PPIL6: variants seen among roughly 807,000 people sequenced by gnomAD.
PPIL6 encodes the protein probable inactive peptidyl-prolyl cis-trans isomerase-like 6.
A neutral mutation model predicts 36.8 loss-of-function variants in PPIL6; 39 were observed. The observed-to-expected ratio is 1.06, with a 90% CI of 0.82 to 1.38. The LOEUF (loss-of-function observed/expected upper bound fraction) is 1.38. Ranked by LOEUF, PPIL6 falls within the 40% of genes most tolerant of loss-of-function variation. The probability of loss-of-function intolerance (pLI) is 0.00; values close to 1 mark genes in which losing one functional copy is unlikely to be tolerated. For missense variants in PPIL6, 368 were observed against 379.1 expected, an observed-to-expected ratio of 0.97 and a Z score of 0.24; for synonymous variants, 123 against 134.1, an observed-to-expected ratio of 0.92 and a Z score of 0.57.
At chr6:109,438,157 TCAAA>T (rs1349541873) in intron 1 of PPIL6, among the ~76,000 whole-genome samples, 2 of 152,140 alleles carry the variant, frequency 1.3e-5, no homozygotes, top group Non-Finnish European at 2.9e-5. Flanking sequence ...ATCCATCATC[TCAAA>T]CATTTATTAT....
At chr6:109,419,847 G>C (rs1329537915) in intron 5 of PPIL6, among the ~76,000 whole-genome samples, 3 of 151,880 alleles carry the variant, frequency 2.0e-5, no homozygotes, top group African/African-American at 7.3e-5. Flanking sequence ...TATTTTATAA[G>C]CACTTTTACA....
rs140919718 is a variant in PPIL6, at chr6:109,431,292, A to G, written c.285T>C (p.Asn95=). ...CCAATGCATCACCCAGAAACTGACC[A>G]TTAACAAAAGAAATCACAGAGGAAG... ...EYSSSVISFV[N]GQFLGDALDL... is the part of the protein sequence containing the mutation. Residue 95 remains asparagine, a synonymous_variant, in exon 3 of 8, where the codon AAT becomes AAC. Transcript: ENST00000521072. 1.6e-5 allele frequency: 26 copies of G among 1,612,326 alleles called. No individual in the cohort carries two copies. The Admixed American group carries it at 2.2e-4, about 13-fold the overall frequency.
intron 5 of PPIL6, among the ~76,000 whole-genome samples, chr6:109,420,894 T>C (rs1773508900): frequency 6.6e-6 from 1 of 152,212 alleles, no homozygotes; most frequent in Non-Finnish European, 1.5e-5. Flanking sequence ...GCTCAGAAGT[T>C]AATTGACAAG....
intron 6 of PPIL6, among the ~76,000 whole-genome samples, chr6:109,408,442 C>A (rs1772886277): frequency 6.6e-6 from 1 of 151,954 alleles, no homozygotes; most frequent in Non-Finnish European, 1.5e-5. Context: ...TTTTTAGATA[C>A]TTTTATTTGA....
intron 6 of PPIL6, among the ~76,000 whole-genome samples, chr6:109,415,680 A>C (rs1179787781): frequency 2.0e-5 from 3 of 152,198 alleles, no homozygotes; most frequent in African/African-American, 7.2e-5. Flanking sequence ...TAACGACAAT[A>C]GCATCTTGAA....
chr6:109,419,313 A>G, intron 5 of PPIL6, 70 bp from the exon 6 acceptor site: 1 of 1,094,106 alleles, frequency 9.1e-7, no homozygotes, highest in Non-Finnish European at 1.4e-6. Flanking sequence ...AATGACAGGG[A>G]AAAAATTTTG....
chr6:109,406,375 C>T (rs555789206), intron 6 of PPIL6, among the ~76,000 whole-genome samples: 1 of 152,186 alleles, frequency 6.6e-6, no homozygotes, highest in East Asian at 1.9e-4. Flanking sequence ...TTTTTAGGAA[C>T]ACATATGTCG....
chr6:109,397,446 C>A (rs1017040703), intron 7 of PPIL6, among the ~76,000 whole-genome samples: 12 of 152,122 alleles, frequency 7.9e-5, no homozygotes, highest in African/African-American at 2.9e-4. Context: ...TTTGCATGGC[C>A]CATGTCTCAC....
chr6:109,410,391 T>C (rs965615184), intron 6 of PPIL6, among the ~76,000 whole-genome samples: 2 of 152,098 alleles, frequency 1.3e-5, no homozygotes, highest in African/African-American at 2.4e-5. Context: ...TAATAAATAT[T>C]TCGACAAGTA....
intron 7 of PPIL6, among the ~76,000 whole-genome samples, chr6:109,397,612 G>T (rs935710077): frequency 1.3e-5 from 2 of 152,130 alleles, no homozygotes; most frequent in Non-Finnish European, 2.9e-5. Context: ...GAATGAGTTG[G>T]GAAAACAGCA....
In PPIL6 at chr6:109,401,408, T is replaced by C. The variant is rs373723505; in HGVS notation, c.689-1238A>G. On this transcript the variant is annotated intron_variant, in intron 6 of 7. Coordinates refer to ENST00000521072, the MANE Select transcript of PPIL6 (RefSeq NM_173672.5). ...TTCATTCAATAACTTCATAAATTTCTGAGAATAACTGAGAAATATGAATAT... is the reference window on the plus strand; with the variant it reads ...TTCATTCAATAACTTCATAAATTTCCGAGAATAACTGAGAAATATGAATAT... Among the ~76,000 whole-genome samples, 4 of 152,334 alleles carry C rather than the reference T, an allele frequency of 2.6e-5. No homozygotes were observed. In the East Asian group the frequency reaches 7.7e-4, roughly 29 times the overall value.
rs1773843561 is a variant in PPIL6 at position 109,426,893 on chromosome 6, A to G, written c.585T>C (p.Asn195=). The G allele has an allele frequency of 6.2e-7, 1 of 1,602,268 alleles. No individual in the cohort carries two copies. The highest frequency in any genetic ancestry group is 1.7e-5 in the Admixed American group (1 of 59,806). ...SQRGIRLHYK[N]SIFHRIVQNG... ...TCTGTACTATTCGATGAAAAATGGA[A>G]TTTTTGTAATGTAGTCTTATGCCAC... is the stretch of plus-strand genomic sequence containing the variant. The change falls in exon 5 of 8, where the codon AAT becomes AAC. Residue 195 remains asparagine, a synonymous_variant. Coordinates refer to ENST00000521072, the MANE Select transcript of PPIL6 (RefSeq NM_173672.5).
intron 7 of PPIL6, among the ~76,000 whole-genome samples, chr6:109,399,177 G>A (rs1017937283): frequency 1.3e-5 from 2 of 151,988 alleles, no homozygotes; most frequent in African/African-American, 4.8e-5. Context: ...GCACGATCTC[G>A]GCTCACTGCA....
intron 4 of PPIL6, 30 bp from the exon 5 acceptor site, chr6:109,427,024 AT>A: frequency 6.3e-7 from 1 of 1,597,886 alleles, no homozygotes; most frequent in African/African-American, 1.3e-5. Context: ...GGTTTCAAAG[AT>A]TAAATATTTA....
chr6:109,393,006 A>G (rs1772151921), intron 7 of PPIL6, 69 bp from the exon 8 acceptor site: 1 of 836,594 alleles, frequency 1.2e-6, no homozygotes, highest in Non-Finnish European at 2.0e-6. Flanking sequence ...ACATTCCGAA[A>G]TGGGGTCCTA....
chr6:109,407,370 T>C (rs1772844020), intron 6 of PPIL6, among the ~76,000 whole-genome samples: 1 of 151,644 alleles, frequency 6.6e-6, no homozygotes, highest in Non-Finnish European at 1.5e-5. Flanking sequence ...CTCCCGAGTA[T>C]CTGGGACTAC....
At chr6:109,408,629 A>G (rs944992687) in intron 6 of PPIL6, among the ~76,000 whole-genome samples, 1 of 152,180 alleles carries the variant, frequency 6.6e-6, no homozygotes, top group Non-Finnish European at 1.5e-5. Flanking sequence ...CACCTAAAAT[A>G]AGATATAGAA....
intron 5 of PPIL6, among the ~76,000 whole-genome samples, chr6:109,424,660 T>A (rs1773724787): frequency 6.6e-6 from 1 of 152,120 alleles, no homozygotes; most frequent in African/African-American, 2.4e-5. Flanking sequence ...TGGCACAAGA[T>A]ACAGGTCATT....
chr6:109,432,802 G>C (rs996943822), intron 2 of PPIL6, among the ~76,000 whole-genome samples: 2 of 152,050 alleles, frequency 1.3e-5, no homozygotes, highest in Non-Finnish European at 2.9e-5. Context: ...TGCTGATGTT[G>C]CTGTTCTAGA....
Sources: allele counts gnomAD v4.1 joint callset (sites outside exome capture counted in the v4.1 genomes callset), GRCh38; gene constraint gnomAD v4.1.1; transcripts MANE v1.5; gene names NCBI Gene and HGNC (gene_info 2026-07-23, HGNC 2026-07-21).